PRR12: variants seen among roughly 807,000 people sequenced by gnomAD.
PRR12 encodes the protein proline rich 12.
In PRR12, 12 loss-of-function variants were observed where a neutral mutation model predicts 138.0. That is an observed-to-expected ratio of 0.09 (90% confidence interval 0.06 to 0.14). The LOEUF is 0.14. Among genes scored for constraint, PRR12 ranks in the 10% least tolerant of loss-of-function variants. The pLI, the probability that PRR12 is intolerant of heterozygous loss-of-function variation, is 1.00. For missense variants in PRR12, 2,692 were observed against 2,861.3 expected (o/e 0.94, Z 1.35); for synonymous variants, 1,567 against 1,291.7 (o/e 1.21, Z -4.57).
rs1413153495 is a variant in PRR12 at position 49,614,494 on chromosome 19, G to T, written c.4774-39G>T. ...TAGGGGCAGTAGGTCTAGGAATGAG[G>T]GCTGACCCTGCTGGCCTCACCACAC... On this transcript the variant is annotated intron_variant, in intron 6 of 13. Transcript: ENST00000418929. The surrounding 1 kb of genome is among the most constrained non-coding windows in gnomAD (Gnocchi z 5.0). The T allele has an allele frequency of 5.5e-6, 8 of 1,450,938 alleles. No homozygotes were observed. Among genetic ancestry groups the T allele is most frequent in the Non-Finnish European group, 6.5e-6 (7 of 1,080,302 alleles). 89.9% of individuals were successfully genotyped at this position (1,450,938 alleles called of 1,614,324 possible).
At chr19:49,619,238 T>G (rs2080908225) in intron 9 of PRR12, among the ~76,000 whole-genome samples, 1 of 145,588 alleles carries the variant, frequency 6.9e-6, no homozygotes, top group Non-Finnish European at 1.5e-5. Flanking sequence ...TTTTTTTTTT[T>G]TTTTTTTTTT....
intron 5 of PRR12, among the ~76,000 whole-genome samples, chr19:49,600,314 G>C (rs186769879): frequency 8.8e-4 from 133 of 151,470 alleles, no homozygotes; most frequent in African/African-American, 3.1e-3. Flanking sequence ...TGGGGGCAGA[G>C]AAAGACTTGG....
At position 49,597,704 on chromosome 19, in the gene PRR12, C is replaced by T. The variant is rs764097635; in HGVS notation, c.3369C>T (p.Asp1123=). 1.8e-5 allele frequency: 29 copies of T among 1,606,962 alleles called. No homozygotes were observed. The highest frequency in any genetic ancestry group is 2.2e-5 in the Non-Finnish European group (26 of 1,177,854). ...DIRLNPRRLP[D]LVSSCRSRPA... ...GCCTCAACCCCCGGCGCTTGCCTGA[C>T]CTGGTCTCCAGCTGCCGCTCCCGTC... The change falls in exon 4 of 14, where the codon GAC becomes GAT. Residue 1123 remains aspartate, a synonymous_variant. Transcript: ENST00000418929. The surrounding 1 kb of genome is among the most constrained non-coding windows in gnomAD (Gnocchi z 6.3).
rs2122302212 is a variant in PRR12, at chr19:49,597,570, C to T, written c.3235C>T (p.His1079Tyr). Residue 1079 changes from histidine to tyrosine, a missense_variant, in exon 4 of 14, where the codon CAC (histidine) becomes TAC (tyrosine). Around this residue, in one of 11 missense-constraint regions of PRR12, gnomAD observed 840 missense variants for 689.8 expected, o/e 1.22. Coordinates refer to ENST00000418929, the MANE Select transcript of PRR12 (RefSeq NM_020719.3). The surrounding 1 kb of genome is among the most constrained non-coding windows in gnomAD (Gnocchi z 6.3). The part of the protein sequence containing the change: ...PKKLLKTSSF[H>Y]LLRRRDPPFQ... Reference sequence around the variant, plus strand: ...GAAGCTGCTCAAGACATCCTCCTTCCACCTGCTGCGGCGCCGCGACCCACC... The same window carrying T: ...GAAGCTGCTCAAGACATCCTCCTTCTACCTGCTGCGGCGCCGCGACCCACC... 3 of 1,600,536 alleles carry T rather than the reference C, an allele frequency of 1.9e-6. No individual in the cohort carries two copies. The highest frequency in any genetic ancestry group is 2.6e-6 in the Non-Finnish European group (3 of 1,175,098).
At position 49,596,591 on chromosome 19, in the gene PRR12, C is replaced by G; in HGVS notation, c.2256C>G (p.Gly752=). Residue 752 remains glycine, a synonymous_variant, in exon 4 of 14, where the codon GGC becomes GGG. Transcript: ENST00000418929. This position sits in a 1 kb window ranked among gnomAD's most constrained non-coding sequence, Gnocchi z 5.6. ...CCTCTGTTGTCCACTACGGGGCAGG[C>G]GCCAAGGAGCTGGGGGCCTTCTTGC... ...LATSVVHYGA[G]AKELGAFLQK... 2 of 1,594,426 alleles carry G rather than the reference C, an allele frequency of 1.3e-6. No individual in the cohort carries two copies. Among genetic ancestry groups the G allele is most frequent in the East Asian group, 2.2e-5 (1 of 44,700 alleles).
At chr19:49,623,351 C>T (rs999939815) in intron 11 of PRR12, among the ~76,000 whole-genome samples, 2 of 150,820 alleles carry the variant, frequency 1.3e-5, no homozygotes, top group African/African-American at 4.9e-5. Flanking sequence ...GATGGCTGGG[C>T]GCGGAGGCTC....
intron 6 of PRR12, among the ~76,000 whole-genome samples, chr19:49,602,646 G>T (rs998745241): frequency 6.6e-6 from 1 of 152,172 alleles, no homozygotes; most frequent in Admixed American, 6.6e-5. Flanking sequence ...CTGCCTCCCA[G>T]GTTCAAGCGA....
At chr19:49,598,681 G>A (rs915887774) in intron 4 of PRR12, among the ~76,000 whole-genome samples, 7 of 152,156 alleles carry the variant, frequency 4.6e-5, no homozygotes, top group African/African-American at 1.7e-4. Flanking sequence ...ATTTAGCCAG[G>A]TGTGGCTGCG....
chr19:49,596,671 A>G lies in PRR12; in HGVS notation c.2336A>G (p.His779Arg), dbSNP rs2080771513. The G allele has an allele frequency of 6.2e-7, 1 of 1,601,086 alleles. No individual in the cohort carries two copies. Among genetic ancestry groups the G allele is most frequent in the Admixed American group, 1.7e-5 (1 of 59,274 alleles). Residue 779 changes from histidine (H) to arginine (R), a missense_variant, in exon 4 of 14, where the codon CAT becomes CGT. Coordinates refer to ENST00000418929, the MANE Select transcript of PRR12 (RefSeq NM_020719.3). The surrounding 1 kb of genome is among the most constrained non-coding windows in gnomAD (Gnocchi z 5.6). The part of the protein sequence containing the change: ...PTAQSTQPTP[H>R]GLLLEAGGPD... ...GCCCAGTCTACCCAGCCCACTCCCCATGGCCTCCTTCTGGAGGCCGGGGGC... is the reference window on the plus strand; with the variant it reads ...GCCCAGTCTACCCAGCCCACTCCCCGTGGCCTCCTTCTGGAGGCCGGGGGC...
Position 49,595,875 on chromosome 19 carries a change from T to C in PRR12, c.1540T>C (p.Tyr514His). 6.2e-7 allele frequency: 1 copy of C among 1,603,564 alleles called. No homozygotes were observed. ...GCTGTATGGGGTGCAGGGCGAGCCA[T>C]ACCCAGGGCCAGCCGCCCACTCCCA... ...GQLYGVQGEP[Y>H]PGPAAHSQGL... Residue 514 changes from tyrosine (Y) to histidine (H), a missense_variant, in exon 4 of 14, where the codon TAC (tyrosine) becomes CAC (histidine). Tyr to His is a moderately conservative substitution (Grantham distance 83, BLOSUM62 2). This residue lies in a region of PRR12 where 523 missense variants were observed against 496.4 expected (regional missense o/e 1.05). Transcript: ENST00000418929.
At chr19:49,592,883 C>T (rs1755447963) in intron 1 of PRR12, among the ~76,000 whole-genome samples, 1 of 152,098 alleles carries the variant, frequency 6.6e-6, no homozygotes, top group Non-Finnish European at 1.5e-5. Flanking sequence ...AAGTTCAGGG[C>T]CTATGTGTTC....
In PRR12 at chr19:49,625,006, G is replaced by A. The variant is rs1367916801; in HGVS notation, c.5868+16G>A. ...CAGAGCCCAGGTGGGCACTGGGGCT[G>A]GGGCTGGGAGTGGGGAGTGCTGGCG... On this transcript the variant is annotated intron_variant, in intron 12 of 13. Transcript: ENST00000418929. The surrounding 1 kb of genome is among the most constrained non-coding windows in gnomAD (Gnocchi z 5.5). 1.2e-6 allele frequency: 2 copies of A among 1,606,274 alleles called. No homozygotes were observed. The highest frequency in any genetic ancestry group is 1.7e-6 in the Non-Finnish European group (2 of 1,175,090).
chr19:49,591,588 A>AGC lies in PRR12; in HGVS notation c.-56_-55dup, dbSNP rs1261534194. 2 of 567,278 alleles carry AGC rather than the reference A, an allele frequency of 3.5e-6. No individual in the cohort carries two copies. Among genetic ancestry groups the AGC allele is most frequent in the Non-Finnish European group, 5.5e-6 (2 of 364,582 alleles). 35.1% of individuals were successfully genotyped at this position (567,278 alleles called of 1,614,324 possible). On this transcript the variant is annotated 5_prime_UTR_variant, in exon 1 of 14. Coordinates refer to ENST00000418929, the MANE Select transcript of PRR12 (RefSeq NM_020719.3). ...AGCGGAGGGAGCGGCGGCGGAGGAGAGCGCGCGCGCGCCCCCTCCCTCCCT... is the reference window on the plus strand; with the variant it reads ...AGCGGAGGGAGCGGCGGCGGAGGAGAGCGCGCGCGCGCGCCCCCTCCCTCCCT...
chr19:49,623,658 G>A (rs1459768390), intron 11 of PRR12, among the ~76,000 whole-genome samples: 5 of 151,904 alleles, frequency 3.3e-5, no homozygotes, highest in East Asian at 3.9e-4. Context: ...GAATTCTGGG[G>A]TAGATGGGAT....
intron 6 of PRR12, among the ~76,000 whole-genome samples, chr19:49,604,117 C>A (rs1599792521): frequency 6.6e-6 from 1 of 152,116 alleles, no homozygotes; most frequent in Non-Finnish European, 1.5e-5. Flanking sequence ...CCGCGCCCGG[C>A]CTTACACTTT....
intron 6 of PRR12, among the ~76,000 whole-genome samples, chr19:49,609,590 G>C (rs1356456497): frequency 7.3e-6 from 1 of 137,142 alleles, no homozygotes; most frequent in Non-Finnish European, 1.5e-5. Context: ...CACAGAGTGA[G>C]ACTGTCTCAA....
At chr19:49,593,219 C>T (rs989911744) in intron 1 of PRR12, 108 bp from the exon 2 acceptor site, 17 of 601,392 alleles carry the variant, frequency 2.8e-5, no homozygotes, top group East Asian at 6.2e-5. Flanking sequence ...TAACACCCCC[C>T]ACCCCGGTCA....
Position 49,596,077 on chromosome 19 carries a change from G to A in PRR12, c.1742G>A (p.Gly581Asp). 1 of 1,601,732 alleles carries A rather than the reference G, an allele frequency of 6.2e-7. No homozygotes were observed. Among genetic ancestry groups the A allele is most frequent in the South Asian group, 1.1e-5 (1 of 91,090 alleles). The change falls in exon 4 of 14, where the codon GGC (glycine) becomes GAC (aspartate). Residue 581 changes from glycine (G) to aspartate (D), a missense_variant. Gly to Asp is a moderately conservative substitution (Grantham distance 94, BLOSUM62 -1). Coordinates refer to ENST00000418929, the MANE Select transcript of PRR12 (RefSeq NM_020719.3). This position sits in a 1 kb window ranked among gnomAD's most constrained non-coding sequence, Gnocchi z 5.6. Reference sequence around the variant, plus strand: ...GCCACCGGCCGTCCACCTGGAGTCGGCTCTCCAGGAGCCCCTGGCAAATAC... The same window carrying A: ...GCCACCGGCCGTCCACCTGGAGTCGACTCTCCAGGAGCCCCTGGCAAATAC... ...PPATGRPPGVGSPGAPGKYLS... is the reference protein window; with the variant it reads ...PPATGRPPGVDSPGAPGKYLS...
intron 1 of PRR12, among the ~76,000 whole-genome samples, chr19:49,591,959 A>C (rs2080730961): frequency 6.6e-6 from 1 of 152,188 alleles, no homozygotes; most frequent in African/African-American, 2.4e-5. Flanking sequence ...GGAGAATTGC[A>C]GCGGGAAAAT....
Sources: gnomAD v4.1 joint callset for allele counts (sites outside exome capture counted in the v4.1 genomes callset) on GRCh38, gnomAD v4.1.1 for gene constraint, gnomAD v4.1.1 regional missense constraint, Gnocchi (gnomAD v3.1) non-coding constraint, MANE v1.5 for transcripts, NCBI Gene and HGNC (gene_info 2026-07-23, HGNC 2026-07-21) for gene names.